The following SBF2 variants were observed in gnomAD, a reference collection of about 807,000 sequenced individuals.
The protein encoded by SBF2 is SET binding factor 2.
In SBF2, 112 loss-of-function variants were observed where a neutral mutation model predicts 225.2. The ratio of observed to expected loss-of-function variants is 0.50; its 90% CI spans 0.43 to 0.58. The LOEUF is 0.58. Ranked by LOEUF, SBF2 falls within the 20% of genes least tolerant of loss-of-function variation. The pLI is 0.00. For missense variants in SBF2, 1,996 were observed against 2,206.2 expected, an observed-to-expected ratio of 0.90 and a Z score of 1.91; for synonymous variants, 763 against 773.3, an observed-to-expected ratio of 0.99 and a Z score of 0.22.
intron 2 of SBF2, among the ~76,000 whole-genome samples, chr11:10,173,489 C>G (rs1476412228): frequency 2.6e-5 from 4 of 152,142 alleles, no homozygotes; most frequent in East Asian, 1.9e-4. Flanking sequence ...ATTATATCCC[C>G]CACCTGGCTG....
chr11:10,294,955 A>G (rs566707283), upstream of SBF2, among the ~76,000 whole-genome samples: 8 of 152,358 alleles, frequency 5.3e-5, no homozygotes, highest in East Asian at 5.8e-4. Flanking sequence ...CTGCTCAAAC[A>G]TGCACAAAAA....
At chr11:10,185,660 T>C (rs574729316) in intron 2 of SBF2, among the ~76,000 whole-genome samples, 1 of 150,136 alleles carries the variant, frequency 6.7e-6, no homozygotes, top group East Asian at 2.0e-4. Flanking sequence ...GGGCATGCAA[T>C]AGTATCTTAT....
chr11:10,167,570 A>AAATG (rs1956016854), intron 2 of SBF2, among the ~76,000 whole-genome samples: 1 of 152,182 alleles, frequency 6.6e-6, no homozygotes, highest in East Asian at 1.9e-4. Flanking sequence ...TGTGTCTTCT[A>AAATG]AATGAATAAA....
chr11:9,893,375 T>C (rs940503880), intron 17 of SBF2, among the ~76,000 whole-genome samples: 3 of 152,232 alleles, frequency 2.0e-5, no homozygotes, highest in African/African-American at 7.2e-5. Context: ...AAATCTATCC[T>C]TCTCTGTCTT....
chr11:10,145,174 T>C (rs1954829747), intron 2 of SBF2, among the ~76,000 whole-genome samples: 1 of 152,174 alleles, frequency 6.6e-6, no homozygotes, highest in Non-Finnish European at 1.5e-5. Flanking sequence ...GAGGCTGGAA[T>C]CATCTTAAGT....
At chr11:9,938,998 C>T (rs1007616055) in intron 16 of SBF2, among the ~76,000 whole-genome samples, 5 of 151,834 alleles carry the variant, frequency 3.3e-5, no homozygotes, top group Non-Finnish European at 7.4e-5. Flanking sequence ...AAAAAGTTAA[C>T]CCAAAAGAAA....
Position 9,790,544 on chromosome 11 carries a change from T to A in SBF2, c.4698+12A>T. 2 of 1,577,150 alleles carry A rather than the reference T, an allele frequency of 1.3e-6. No individual in the cohort carries two copies. The stretch of plus-strand genomic sequence containing the variant: ...TTTCAGAAAGTGAAACATAAATGAT[T>A]TCTTACTCTACCTCTATTTCCAATG... On this transcript the variant is annotated intron_variant, in intron 34 of 39. Transcript: ENST00000256190.
intron 1 of SBF2, among the ~76,000 whole-genome samples, chr11:10,230,823 G>A (rs1032731602): frequency 1.3e-4 from 20 of 152,046 alleles, no homozygotes; most frequent in Admixed American, 3.9e-4. Flanking sequence ...TCTTTGTGGC[G>A]TTCTCTGTAT....
chr11:9,846,804 T>C, intron 23 of SBF2, 152 bp downstream of exon 23: 1 of 834,122 alleles, frequency 1.2e-6, no homozygotes, highest in Non-Finnish European at 2.0e-6. Context: ...ATTCATGAGT[T>C]TACTCAGCTG....
At chr11:9,982,107 C>T (rs1052225657) in intron 13 of SBF2, among the ~76,000 whole-genome samples, 2 of 152,170 alleles carry the variant, frequency 1.3e-5, no homozygotes, top group South Asian at 4.1e-4. Flanking sequence ...TACTGCATTT[C>T]CTCTATCCAT....
chr11:9,804,483 A>G (rs561450621), intron 32 of SBF2, among the ~76,000 whole-genome samples: 68 of 152,340 alleles, frequency 4.5e-4, no homozygotes, highest in African/African-American at 1.5e-3. Context: ...CCCTACTTTA[A>G]GTGTATAGTT....
intron 16 of SBF2, chr11:9,958,666 C>T (rs1866359870): frequency 9.8e-6 from 3 of 306,288 alleles, no homozygotes; most frequent in Non-Finnish European, 2.0e-5. Flanking sequence ...ACAATTAGGA[C>T]AACTGGGAGA....
chr11:9,908,760 TG>T (rs1862330270), intron 16 of SBF2, among the ~76,000 whole-genome samples: 1 of 151,986 alleles, frequency 6.6e-6, no homozygotes, highest in African/African-American at 2.4e-5. Context: ...TGCGGTGGTG[TG>T]ATTTTGGCTC....
intron 2 of SBF2, among the ~76,000 whole-genome samples, chr11:10,109,590 T>A (rs1185805468): frequency 1.3e-5 from 2 of 152,206 alleles, no homozygotes; most frequent in Non-Finnish European, 2.9e-5. Flanking sequence ...ATTCTGAGAA[T>A]CCAAATTTAT....
intron 2 of SBF2, among the ~76,000 whole-genome samples, chr11:10,052,404 A>G (rs1400283211): frequency 6.6e-6 from 1 of 152,172 alleles, no homozygotes; most frequent in African/African-American, 2.4e-5. Context: ...CCATGCCCAT[A>G]AAAATGTTAA....
At chr11:9,830,441 C>G (rs1261312126) in intron 27 of SBF2, among the ~76,000 whole-genome samples, 1 of 152,084 alleles carries the variant, frequency 6.6e-6, no homozygotes, top group Non-Finnish European at 1.5e-5. Context: ...ATTGCAATTT[C>G]AAAGATACTA....
At chr11:10,164,325 C>T (rs1487364682) in intron 2 of SBF2, among the ~76,000 whole-genome samples, 1 of 152,108 alleles carries the variant, frequency 6.6e-6, no homozygotes. Context: ...AAAAAATTCA[C>T]TTTATTAATT....
chr11:10,228,904 C>T (rs1958699082), intron 1 of SBF2, among the ~76,000 whole-genome samples: 1 of 151,892 alleles, frequency 6.6e-6, no homozygotes, highest in South Asian at 2.1e-4. Context: ...ACCAGCTCCT[C>T]CTTGTACCTC....
At chr11:10,118,985 G>A (rs531143343) in intron 2 of SBF2, among the ~76,000 whole-genome samples, 1 of 150,776 alleles carries the variant, frequency 6.6e-6, no homozygotes, top group African/African-American at 2.4e-5. Flanking sequence ...ACATCTGCAG[G>A]AAAAAGGCTA....
Sources: gnomAD v4.1 joint callset for allele counts (sites outside exome capture counted in the v4.1 genomes callset) on GRCh38, gnomAD v4.1.1 for gene constraint, MANE v1.5 for transcripts, NCBI Gene and HGNC (gene_info 2026-07-23, HGNC 2026-07-21) for gene names.